Variants in ANKRD45 observed in about 807,000 individuals in gnomAD.
ANKRD45 encodes ankyrin repeat domain-containing protein 45.
In ANKRD45, 21 loss-of-function variants were observed where a neutral mutation model predicts 28.1. That is an observed-to-expected ratio of 0.75 (90% CI 0.53 to 1.08). The LOEUF (loss-of-function observed/expected upper bound fraction) is 1.08. ANKRD45 is among the 50% of genes least tolerant of loss of function. The probability of loss-of-function intolerance (pLI) is 0.00; values close to 1 mark genes in which losing one functional copy is unlikely to be tolerated. For synonymous variants in ANKRD45, 86 were observed against 103.9 expected (o/e 0.83, Z 1.05); for missense variants, 261 against 308.7 (o/e 0.85, Z 1.16).
chr1:173,650,222 A>G (rs1019380377), intron 2 of ANKRD45, among the ~76,000 whole-genome samples: 2 of 152,170 alleles, frequency 1.3e-5, no homozygotes, highest in African/African-American at 4.8e-5. Flanking sequence ...CGTCATTTAC[A>G]TTAGGTATTT....
intron 1 of ANKRD45, chr1:173,667,677 G>A (rs1363384915): frequency 2.4e-6 from 1 of 415,740 alleles, no homozygotes; most frequent in East Asian, 8.0e-5. Context: ...CTGCACTCCA[G>A]CCTGGCACAA....
At chr1:173,668,446 A>G (rs1670114600) in intron 1 of ANKRD45, among the ~76,000 whole-genome samples, 1 of 152,192 alleles carries the variant, frequency 6.6e-6, no homozygotes, top group Non-Finnish European at 1.5e-5. Flanking sequence ...TAAAACCAAG[A>G]AAGCCATAGG....
chr1:173,672,826 A>T (rs1378662089), upstream of ANKRD45, among the ~76,000 whole-genome samples: 2 of 152,312 alleles, frequency 1.3e-5, no homozygotes, highest in Non-Finnish European at 2.9e-5. Flanking sequence ...AGTATTGGAA[A>T]GAGCCACTGG....
intron 5 of ANKRD45, among the ~76,000 whole-genome samples, chr1:173,616,524 A>C (rs1426838368): frequency 6.6e-6 from 1 of 152,198 alleles, no homozygotes; most frequent in Non-Finnish European, 1.5e-5. Context: ...ACTGAAAACC[A>C]CTGAATTGTA....
the ANKRD45 span, chr1:173,715,151 C>T: frequency 6.6e-6 from 1 of 152,392 alleles, no homozygotes; most frequent in African/African-American, 2.4e-5. Flanking sequence ...GATATGTGGT[C>T]CCAAGTTGCT....
chr1:173,695,176 T>C, the ANKRD45 span, among the ~76,000 whole-genome samples: 1 of 152,184 alleles, frequency 6.6e-6, no homozygotes, highest in Admixed American at 6.6e-5. Context: ...ATGTATGGTA[T>C]TTTAAATGCT....
intron 5 of ANKRD45, chr1:173,612,920 T>G (rs918547377): frequency 2.4e-5 from 4 of 167,738 alleles, no homozygotes; most frequent in African/African-American, 9.6e-5. Context: ...TGGAGTGCAG[T>G]GGCATGATCT....
At chr1:173,688,912 G>A in the ANKRD45 span, among the ~76,000 whole-genome samples, 2 of 151,656 alleles carry the variant, frequency 1.3e-5, no homozygotes, top group Non-Finnish European at 2.9e-5. Context: ...CTTTTACCTC[G>A]GAAACTAAAA....
At chr1:173,663,536 CT>C (rs1216598675) in intron 1 of ANKRD45, among the ~76,000 whole-genome samples, 1 of 152,224 alleles carries the variant, frequency 6.6e-6, no homozygotes. Flanking sequence ...TTTAACAAGG[CT>C]TTTTTCTAAA....
chr1:173,657,295 C>A, intron 2 of ANKRD45: 1 of 318,900 alleles, frequency 3.1e-6, no homozygotes, highest in Non-Finnish European at 6.4e-6. Context: ...GGCAAAACCC[C>A]CTCTCCACTA....
At chr1:173,666,001 A>G (rs1670000639) in intron 1 of ANKRD45, among the ~76,000 whole-genome samples, 1 of 152,168 alleles carries the variant, frequency 6.6e-6, no homozygotes, top group South Asian at 2.1e-4. Flanking sequence ...ATGACTGAGC[A>G]AGACCCTGTC....
At chr1:173,712,206 A>G in the ANKRD45 span, among the ~76,000 whole-genome samples, 1 of 152,234 alleles carries the variant, frequency 6.6e-6, no homozygotes, top group African/African-American at 2.4e-5. Flanking sequence ...TTTTATACCC[A>G]ACCAATTGGC....
chr1:173,654,160 G>C (rs1240150202), intron 2 of ANKRD45, among the ~76,000 whole-genome samples: 1 of 151,964 alleles, frequency 6.6e-6, no homozygotes, highest in Non-Finnish European at 1.5e-5. Flanking sequence ...TGATTATTTT[G>C]CCTGTTAGTT....
intron 2 of ANKRD45, among the ~76,000 whole-genome samples, chr1:173,654,233 A>G (rs12075335): frequency 0.16 from 24,083 of 152,074 alleles, 6,352 homozygotes; most frequent in African/African-American, 0.55. Flanking sequence ...AGTGGCTGGT[A>G]CCAGTTGTTC....
At chr1:173,657,489 A>T (rs182927798) in intron 2 of ANKRD45, 2 of 160,472 alleles carry the variant, frequency 1.2e-5, no homozygotes, top group African/African-American at 4.8e-5. Flanking sequence ...AAAAGAGAAC[A>T]ACAAATATGT....
Position 173,609,169 on chromosome 1 carries a change from G to C in ANKRD45, c.*976C>G, listed in dbSNP as rs1455236656. ...AAAAGGATAAAAAACTAAAAACTTTGGGAGACATTTAAAACAGGGTTATCT... is the reference window on the plus strand; with the variant it reads ...AAAAGGATAAAAAACTAAAAACTTTCGGAGACATTTAAAACAGGGTTATCT... On this transcript the variant is annotated 3_prime_UTR_variant, in exon 6 of 6. Transcript: ENST00000333279. Among the ~76,000 whole-genome samples, 1 of 152,102 alleles carries C rather than the reference G, an allele frequency of 6.6e-6. No homozygotes were observed. Among genetic ancestry groups the C allele is most frequent in the Non-Finnish European group, 1.5e-5 (1 of 68,026 alleles).
In ANKRD45 at chr1:173,609,709, C is replaced by T. The variant is rs1667062914; in HGVS notation, c.*436G>A. 1 of 156,782 alleles carries T rather than the reference C, an allele frequency of 6.4e-6. No homozygotes were observed. Among genetic ancestry groups the T allele is most frequent in the South Asian group, 2.0e-4 (1 of 5,092 alleles). 9.7% of individuals were successfully genotyped at this position (156,782 alleles called of 1,614,324 possible). ...AAGTGATAGTTGTACCCAGAGGCTCCTAATCCAAGCTGGTCTTAATATTTC... is the reference window on the plus strand; with the variant it reads ...AAGTGATAGTTGTACCCAGAGGCTCTTAATCCAAGCTGGTCTTAATATTTC... On this transcript the variant is annotated 3_prime_UTR_variant, in exon 6 of 6. Coordinates refer to ENST00000333279, the MANE Select transcript of ANKRD45 (RefSeq NM_198493.3).
chr1:173,683,168 T>C, the ANKRD45 span, among the ~76,000 whole-genome samples: 1 of 152,164 alleles, frequency 6.6e-6, no homozygotes, highest in African/African-American at 2.4e-5. Context: ...ACACAACTTA[T>C]ATGATTACTG....
chr1:173,686,085 C>T, the ANKRD45 span, among the ~76,000 whole-genome samples: 24 of 152,194 alleles, frequency 1.6e-4, no homozygotes, highest in East Asian at 3.3e-3. Context: ...GAAATCTCCC[C>T]GGATTAAATG....
Sources: allele counts gnomAD v4.1 joint callset (sites outside exome capture counted in the v4.1 genomes callset), GRCh38; gene constraint gnomAD v4.1.1; transcripts MANE v1.5; gene names NCBI Gene and HGNC (gene_info 2026-07-23, HGNC 2026-07-21).